Variants in NPAS3 observed in about 807,000 individuals in gnomAD.
The protein encoded by NPAS3 is neuronal PAS domain protein 3.
A neutral mutation model predicts 73.1 loss-of-function variants in NPAS3; 14 were observed. That is an observed-to-expected ratio of 0.19 (90% CI 0.13 to 0.30). The LOEUF is 0.30. NPAS3 is among the 10% of genes least tolerant of loss of function. The pLI, the probability that NPAS3 is intolerant of heterozygous loss-of-function variation, is 1.00. For synonymous variants in NPAS3, 620 were observed against 541.5 expected, an observed-to-expected ratio of 1.14 and a Z score of -2.01; for missense variants, 1,096 against 1,250.0, an observed-to-expected ratio of 0.88 and a Z score of 1.86.
At chr14:33,146,312 C>G (rs2044235611) in intron 2 of NPAS3, among the ~76,000 whole-genome samples, 1 of 152,134 alleles carries the variant, frequency 6.6e-6, no homozygotes, top group Admixed American at 6.5e-5. Context: ...ACTGTTCTAC[C>G]ACTTTCCACT....
chr14:33,598,059 G>C (rs2057297654), intron 5 of NPAS3, among the ~76,000 whole-genome samples: 1 of 152,146 alleles, frequency 6.6e-6, no homozygotes, highest in African/African-American at 2.4e-5. Context: ...CTAATGCTGT[G>C]ATTTCATGAG....
chr14:33,245,890 C>T (rs1381709097), intron 3 of NPAS3, among the ~76,000 whole-genome samples: 1 of 149,410 alleles, frequency 6.7e-6, no homozygotes, highest in Non-Finnish European at 1.5e-5. Context: ...ATATCAATAC[C>T]AAATCATATT....
At chr14:33,587,059 A>G (rs1299897082) in intron 5 of NPAS3, among the ~76,000 whole-genome samples, 2 of 152,146 alleles carry the variant, frequency 1.3e-5, no homozygotes, top group Non-Finnish European at 2.9e-5. Context: ...CCTCTTAAAT[A>G]GTTTCATTCT....
At chr14:33,090,178 G>T (rs533827297) in intron 2 of NPAS3, among the ~76,000 whole-genome samples, 5 of 152,274 alleles carry the variant, frequency 3.3e-5, no homozygotes, top group African/African-American at 7.2e-5. Context: ...TGGACTAAAT[G>T]CTCCAGTTAA....
At chr14:33,288,161 G>A (rs762308466) in intron 3 of NPAS3, among the ~76,000 whole-genome samples, 3 of 152,140 alleles carry the variant, frequency 2.0e-5, no homozygotes, top group Admixed American at 6.5e-5. Flanking sequence ...GGCATGGGTC[G>A]ATGTGGGAGG....
At chr14:32,948,901 G>A (rs1214101140) in intron 1 of NPAS3, among the ~76,000 whole-genome samples, 2 of 152,048 alleles carry the variant, frequency 1.3e-5, no homozygotes, top group Non-Finnish European at 2.9e-5. Context: ...AGCGGGGAGA[G>A]GGAAAATGTA....
chr14:33,764,142 T>C (rs973563377), intron 7 of NPAS3, among the ~76,000 whole-genome samples: 4 of 152,236 alleles, frequency 2.6e-5, no homozygotes, highest in Non-Finnish European at 5.9e-5. Context: ...CCCTTGAAGT[T>C]AAATGGGGGC....
At chr14:33,364,283 G>C (rs1050931265) in intron 3 of NPAS3, among the ~76,000 whole-genome samples, 11 of 152,158 alleles carry the variant, frequency 7.2e-5, no homozygotes. Flanking sequence ...AAATACCTGT[G>C]TTTGCAGTAT....
chr14:33,696,694 T>TTTAG (rs2060392087), intron 6 of NPAS3, among the ~76,000 whole-genome samples: 1 of 152,198 alleles, frequency 6.6e-6, no homozygotes, highest in African/African-American at 2.4e-5. Flanking sequence ...CTCTATGTAA[T>TTTAG]TTAGTTTGCT....
In NPAS3 at chr14:33,516,788, T is replaced by C. The variant is rs976721428; in HGVS notation, c.469-43333T>C. 9.2e-5 allele frequency among the ~76,000 whole-genome samples: 14 copies of C among 152,080 alleles called. 1 individual carries two copies. The highest frequency in any genetic ancestry group is 3.1e-4 in the African/African-American group (13 of 41,432). ...ATAATGATGGTGATGATGATGATGA[T>C]GAAGATAAGAATTCTCATAAAGCAT... is the stretch of plus-strand genomic sequence containing the variant. On this transcript the variant is annotated intron_variant, in intron 4 of 11. Transcript: ENST00000356141.
chr14:33,722,785 T>G (rs2061152589), intron 6 of NPAS3, among the ~76,000 whole-genome samples: 1 of 152,184 alleles, frequency 6.6e-6, no homozygotes, highest in Admixed American at 6.5e-5. Flanking sequence ...ATAATGTTAC[T>G]AAGAATATTC....
At chr14:33,151,590 A>G (rs1008387877) in intron 2 of NPAS3, among the ~76,000 whole-genome samples, 6 of 152,174 alleles carry the variant, frequency 3.9e-5, no homozygotes, top group African/African-American at 1.2e-4. Context: ...TTTATGTTAT[A>G]TTTATGGGAT....
chr14:33,205,286 A>G (rs1314588142), intron 2 of NPAS3, among the ~76,000 whole-genome samples: 1 of 152,168 alleles, frequency 6.6e-6, no homozygotes, highest in Non-Finnish European at 1.5e-5. Flanking sequence ...ATTTTTCAAG[A>G]TCCTTGTTCA....
intron 2 of NPAS3, among the ~76,000 whole-genome samples, chr14:33,211,473 G>A (rs564581268): frequency 8.5e-5 from 13 of 152,242 alleles, no homozygotes; most frequent in African/African-American, 2.6e-4. Context: ...AGAACCACTT[G>A]AACCTGGGAG....
chr14:33,226,470 C>A (rs534758784), intron 3 of NPAS3, among the ~76,000 whole-genome samples: 1 of 152,220 alleles, frequency 6.6e-6, no homozygotes, highest in East Asian at 1.9e-4. Context: ...ATCAGCAATA[C>A]AATGAATAAA....
At chr14:33,571,802 T>C (rs1357023080) in intron 5 of NPAS3, among the ~76,000 whole-genome samples, 2 of 152,262 alleles carry the variant, frequency 1.3e-5, no homozygotes, top group Non-Finnish European at 1.5e-5. Context: ...TTATCTGAAA[T>C]ATGAATTGCT....
At chr14:33,591,699 A>C (rs901301961) in intron 5 of NPAS3, among the ~76,000 whole-genome samples, 40 of 151,998 alleles carry the variant, frequency 2.6e-4, no homozygotes, top group African/African-American at 8.7e-4. Context: ...GTCCCCCCAA[A>C]TTTCACCTTT....
At chr14:33,380,107 G>A (rs535562755) in intron 4 of NPAS3, among the ~76,000 whole-genome samples, 3 of 151,436 alleles carry the variant, frequency 2.0e-5, no homozygotes, top group Non-Finnish European at 4.4e-5. Context: ...TAAAAATTAG[G>A]TATCTGACTT....
At chr14:33,759,627 A>G (rs989294532) in intron 7 of NPAS3, among the ~76,000 whole-genome samples, 2 of 152,220 alleles carry the variant, frequency 1.3e-5, no homozygotes, top group East Asian at 3.8e-4. Context: ...TTTGGAAATA[A>G]TGTTTTAAGA....
Sources: gnomAD v4.1 joint callset for allele counts (sites outside exome capture counted in the v4.1 genomes callset) on GRCh38, gnomAD v4.1.1 for gene constraint, MANE v1.5 for transcripts, NCBI Gene and HGNC (gene_info 2026-07-23, HGNC 2026-07-21) for gene names.